KHDRBS2: variants seen among roughly 807,000 people sequenced by gnomAD.
KHDRBS2 encodes KH RNA binding domain containing, signal transduction associated 2, also known as KH domain-containing, RNA-binding, signal transduction-associated protein 2.
KHDRBS2 carries 26 observed loss-of-function variants against 44.3 expected under a neutral mutation model. The observed-to-expected ratio is 0.59, with a 90% CI of 0.43 to 0.81. KHDRBS2 has a LOEUF of 0.81. Among genes scored for constraint, KHDRBS2 ranks in the 40% least tolerant of loss-of-function variants. KHDRBS2 has a pLI of 0.00. For synonymous variants in KHDRBS2, 194 were observed against 151.1 expected, an observed-to-expected ratio of 1.28 and a Z score of -2.08; for missense variants, 476 against 433.1, an observed-to-expected ratio of 1.10 and a Z score of -0.88.
intron 2 of KHDRBS2, among the ~76,000 whole-genome samples, chr6:62,064,761 A>G (rs1356162980): frequency 3.9e-5 from 6 of 152,084 alleles, no homozygotes; most frequent in Non-Finnish European, 7.3e-5. Context: ...CAATGGCAAC[A>G]AAAGCCAAAA....
chr6:62,202,263 C>T (rs1295926805), intron 1 of KHDRBS2, among the ~76,000 whole-genome samples: 1 of 152,030 alleles, frequency 6.6e-6, no homozygotes, highest in East Asian at 1.9e-4. Flanking sequence ...TAGAGACTCC[C>T]ACACCAACTG....
chr6:62,247,603 C>A (rs139672641), intron 1 of KHDRBS2, among the ~76,000 whole-genome samples: 10 of 152,036 alleles, frequency 6.6e-5, no homozygotes, highest in Non-Finnish European at 1.0e-4. Flanking sequence ...TCCAGACCTT[C>A]CTGCTCCACT....
chr6:61,721,165 T>A (rs1192000540), intron 7 of KHDRBS2, among the ~76,000 whole-genome samples: 1 of 152,142 alleles, frequency 6.6e-6, no homozygotes, highest in Non-Finnish European at 1.5e-5. Context: ...AGTACCATGC[T>A]GTTTTGGTTA....
intron 6 of KHDRBS2, among the ~76,000 whole-genome samples, chr6:61,807,088 G>A (rs565033565): frequency 5.3e-5 from 8 of 152,178 alleles, no homozygotes; most frequent in African/African-American, 1.9e-4. Flanking sequence ...CAAGATCGCT[G>A]ATCATTAGCA....
At chr6:62,109,465 G>A (rs1346640164) in intron 2 of KHDRBS2, among the ~76,000 whole-genome samples, 1 of 151,460 alleles carries the variant, frequency 6.6e-6, no homozygotes, top group African/African-American at 2.4e-5. Context: ...GGGAAATCAG[G>A]CAAGAAAAAG....
intron 4 of KHDRBS2, among the ~76,000 whole-genome samples, chr6:61,905,663 AT>A (rs1207604357): frequency 6.6e-6 from 1 of 152,158 alleles, no homozygotes; most frequent in African/African-American, 2.4e-5. Flanking sequence ...TCTAATCATA[AT>A]TTTAATGCAA....
At chr6:62,031,931 T>A (rs1375514927) in intron 3 of KHDRBS2, among the ~76,000 whole-genome samples, 3 of 152,014 alleles carry the variant, frequency 2.0e-5, no homozygotes, top group Non-Finnish European at 4.4e-5. Flanking sequence ...ATAGGCAAGA[T>A]CTAGCACCTT....
intron 2 of KHDRBS2, among the ~76,000 whole-genome samples, chr6:62,134,599 C>T (rs1157885978): frequency 2.6e-5 from 4 of 152,152 alleles, no homozygotes; most frequent in Admixed American, 1.3e-4. Context: ...CAACAGCTTG[C>T]ACTGTGTACC....
chr6:62,240,676 A>ATATATATATATATATATATATG (rs2150167044), intron 1 of KHDRBS2, among the ~76,000 whole-genome samples: 1 of 55,240 alleles, frequency 1.8e-5, no homozygotes, highest in East Asian at 8.1e-4. Context: ...GTGTGTGTAT[A>ATATATATATATATATATATATG]TATATATATA....
At chr6:61,993,486 T>G (rs1776528715) in intron 3 of KHDRBS2, among the ~76,000 whole-genome samples, 1 of 151,338 alleles carries the variant, frequency 6.6e-6, no homozygotes. Context: ...TCTGCAAAGT[T>G]TTAATCCAAT....
At chr6:61,851,509 T>A (rs1470499140) in intron 6 of KHDRBS2, among the ~76,000 whole-genome samples, 1 of 151,974 alleles carries the variant, frequency 6.6e-6, no homozygotes, top group Non-Finnish European at 1.5e-5. Context: ...TGGGCCCTAC[T>A]CCATTACGAC....
chr6:61,613,099 G>A, the KHDRBS2 span, among the ~76,000 whole-genome samples: 3 of 152,058 alleles, frequency 2.0e-5, no homozygotes, highest in Middle Eastern at 3.4e-3. Flanking sequence ...TGATCCTCCC[G>A]CCTTGGCCTC....
intron 1 of KHDRBS2, among the ~76,000 whole-genome samples, chr6:62,260,964 G>A (rs1838239030): frequency 6.6e-6 from 1 of 151,840 alleles, no homozygotes; most frequent in African/African-American, 2.4e-5. Flanking sequence ...AGGGATATCT[G>A]AGATATTTTC....
intron 6 of KHDRBS2, among the ~76,000 whole-genome samples, chr6:61,837,585 G>C (rs866943978): frequency 1.3e-5 from 2 of 151,950 alleles, no homozygotes; most frequent in African/African-American, 4.8e-5. Context: ...GGTCATAATG[G>C]GTGGAAATAG....
intron 2 of KHDRBS2, among the ~76,000 whole-genome samples, chr6:62,125,504 G>C (rs754924561): frequency 6.6e-6 from 1 of 152,184 alleles, no homozygotes; most frequent in Non-Finnish European, 1.5e-5. Flanking sequence ...AACTCAGTGA[G>C]ATACTAGCCG....
chr6:61,748,065 A>G (rs1777115797), intron 6 of KHDRBS2, among the ~76,000 whole-genome samples: 1 of 152,166 alleles, frequency 6.6e-6, no homozygotes. Flanking sequence ...ATCTCAGCTC[A>G]CTGCAACCTC....
the KHDRBS2 span, among the ~76,000 whole-genome samples, chr6:61,607,344 G>A: frequency 2.0e-5 from 3 of 150,736 alleles, no homozygotes; most frequent in Non-Finnish European, 3.0e-5. Context: ...ACACACAGAA[G>A]AGGGGAGCAA....
chr6:61,734,135 G>C (rs10484691), intron 6 of KHDRBS2, among the ~76,000 whole-genome samples: 8,417 of 151,970 alleles, frequency 0.055, 381 homozygotes, highest in African/African-American at 0.11. Context: ...ATTTTCACGT[G>C]GTCTTACCAT....
intron 2 of KHDRBS2, among the ~76,000 whole-genome samples, chr6:62,054,103 T>C (rs58311308): frequency 0.025 from 3,742 of 152,218 alleles, 167 homozygotes; most frequent in African/African-American, 0.084. Context: ...TCTAGTCTTC[T>C]AAATTTCATC....
Sources: gnomAD v4.1 joint callset for allele counts (sites outside exome capture counted in the v4.1 genomes callset) on GRCh38, gnomAD v4.1.1 for gene constraint, MANE v1.5 for transcripts, NCBI Gene and HGNC (gene_info 2026-07-23, HGNC 2026-07-21) for gene names.